PHF20: variants seen among roughly 807,000 people sequenced by gnomAD.
The protein encoded by PHF20 is glioma-expressed antigen 2.
Under a neutral mutation model 113.5 loss-of-function variants are expected in PHF20, and 23 were observed. The observed-to-expected ratio is 0.20, with a 90% CI of 0.15 to 0.29. The LOEUF (loss-of-function observed/expected upper bound fraction) is 0.29, where lower values mean the gene tolerates loss of function less well. Ranked by LOEUF, PHF20 falls within the 10% of genes least tolerant of loss-of-function variation. The probability of loss-of-function intolerance (pLI) is 1.00; values close to 1 mark genes in which losing one functional copy is unlikely to be tolerated. For missense variants in PHF20, 943 were observed against 1,219.6 expected, an observed-to-expected ratio of 0.77 and a Z score of 3.38; for synonymous variants, 434 against 457.3, an observed-to-expected ratio of 0.95 and a Z score of 0.65.
At chr20:35,864,894 C>T (rs2146976558) in intron 6 of PHF20, among the ~76,000 whole-genome samples, 1 of 152,210 alleles carries the variant, frequency 6.6e-6, no homozygotes, top group Non-Finnish European at 1.5e-5. Flanking sequence ...ATGTAACACA[C>T]CTCGATTTTA....
At chr20:35,861,770 G>A (rs1312766163) in intron 5 of PHF20, among the ~76,000 whole-genome samples, 1 of 151,928 alleles carries the variant, frequency 6.6e-6, no homozygotes, top group Non-Finnish European at 1.5e-5. Context: ...TCTCAAACCT[G>A]GCTGCTTTCA....
intron 2 of PHF20, among the ~76,000 whole-genome samples, chr20:35,836,610 C>T (rs1034386598): frequency 6.6e-6 from 1 of 152,002 alleles, no homozygotes; most frequent in Non-Finnish European, 1.5e-5. Context: ...TTTGGGAGGC[C>T]GAGGCGGGCG....
chr20:35,835,048 G>A (rs1208635193), intron 2 of PHF20, among the ~76,000 whole-genome samples: 2 of 152,036 alleles, frequency 1.3e-5, no homozygotes, highest in African/African-American at 4.8e-5. Flanking sequence ...AGGCTGAGGC[G>A]GGCGGATCAC....
At chr20:35,919,048 A>G (rs924722362) in intron 13 of PHF20, among the ~76,000 whole-genome samples, 4 of 151,460 alleles carry the variant, frequency 2.6e-5, no homozygotes, top group South Asian at 2.1e-4. Context: ...GGAGTTTTGC[A>G]CTTGTTTCCC....
intron 2 of PHF20, 26 bp downstream of exon 2, chr20:35,801,631 A>G: frequency 5.3e-6 from 8 of 1,518,160 alleles, no homozygotes; most frequent in Non-Finnish European, 7.3e-6. Flanking sequence ...TCTGTTAATT[A>G]AAGCCCTTCA....
At chr20:35,778,753 C>CAAA (rs199913263) in intron 1 of PHF20, among the ~76,000 whole-genome samples, 3 of 108,830 alleles carry the variant, frequency 2.8e-5, no homozygotes, top group Non-Finnish European at 3.9e-5. Flanking sequence ...AACTGTGTCT[C>CAAA]AAAAAAAAAA....
chr20:35,806,525 T>C (rs561585480), intron 2 of PHF20, among the ~76,000 whole-genome samples: 3 of 152,232 alleles, frequency 2.0e-5, no homozygotes, highest in South Asian at 4.1e-4. Flanking sequence ...TATCTAATTA[T>C]TATTTTTTAA....
At chr20:35,795,036 A>G (rs2041638185) in intron 1 of PHF20, among the ~76,000 whole-genome samples, 3 of 152,028 alleles carry the variant, frequency 2.0e-5, no homozygotes, top group Admixed American at 2.0e-4. Context: ...TACTAAAAAT[A>G]CAAAAATTAG....
chr20:35,780,551 CT>C (rs71184082), intron 1 of PHF20, among the ~76,000 whole-genome samples: 96,649 of 115,360 alleles, frequency 0.84, 40,068 homozygotes, highest in East Asian at 0.89. Flanking sequence ...TTTTTCTTTT[CT>C]TTTTTTTTTT....
At position 35,880,946 on chromosome 20, in the gene PHF20, C is replaced by A. The variant is rs183494628; in HGVS notation, c.1282+9117C>A. 8.6e-5 allele frequency among the ~76,000 whole-genome samples: 13 copies of A among 150,418 alleles called. No homozygotes were observed. The East Asian group carries it at 2.5e-3, about 29-fold the overall frequency. On this transcript the variant is annotated intron_variant, in intron 9 of 17. Coordinates refer to ENST00000374012, the MANE Select transcript of PHF20 (RefSeq NM_016436.5). ...CTGTACTCCAGCCTAAATGACAGAG[C>A]GAGACTCTGTCTCAAAGAAAACAAA...
At chr20:35,785,578 C>A (rs901427364) in intron 1 of PHF20, among the ~76,000 whole-genome samples, 8 of 151,802 alleles carry the variant, frequency 5.3e-5, no homozygotes, top group African/African-American at 1.9e-4. Flanking sequence ...CCTCAGCCTC[C>A]CAATGTGCTG....
At chr20:35,858,834 A>G (rs1165572283) in intron 5 of PHF20, among the ~76,000 whole-genome samples, 3 of 152,152 alleles carry the variant, frequency 2.0e-5, no homozygotes, top group Non-Finnish European at 2.9e-5. Context: ...TGGCCTCCCA[A>G]GGTGCTGGGA....
At chr20:35,806,863 T>A (rs749405221) in intron 2 of PHF20, among the ~76,000 whole-genome samples, 1 of 151,110 alleles carries the variant, frequency 6.6e-6, no homozygotes, top group Non-Finnish European at 1.5e-5. Flanking sequence ...TGGCACGATC[T>A]TGGCTCATTG....
At chr20:35,825,049 G>C (rs2042237906) in intron 2 of PHF20, among the ~76,000 whole-genome samples, 3 of 152,170 alleles carry the variant, frequency 2.0e-5, no homozygotes, top group Admixed American at 1.3e-4. Flanking sequence ...GTGGACATAT[G>C]ATTTTACATC....
chr20:35,831,836 G>A (rs545412218), intron 2 of PHF20, among the ~76,000 whole-genome samples: 1 of 152,100 alleles, frequency 6.6e-6, no homozygotes, highest in Non-Finnish European at 1.5e-5. Flanking sequence ...ACCCATTTGT[G>A]GTACCTCAGC....
intron 1 of PHF20, among the ~76,000 whole-genome samples, chr20:35,794,216 C>G (rs1441339434): frequency 6.7e-6 from 1 of 150,244 alleles, no homozygotes; most frequent in Non-Finnish European, 1.5e-5. Flanking sequence ...AGGAGAATCT[C>G]TTGAACCTGG....
intron 9 of PHF20, among the ~76,000 whole-genome samples, chr20:35,891,899 G>A (rs879321064): frequency 6.6e-6 from 1 of 151,712 alleles, no homozygotes; most frequent in Non-Finnish European, 1.5e-5. Flanking sequence ...GACAGAGTTT[G>A]TCACTGTGTT....
rs375815445 is a variant in PHF20, at chr20:35,876,428, G to A, written c.1282+4599G>A. On this transcript the variant is annotated intron_variant, in intron 9 of 17. Transcript: ENST00000374012. ...TCTACCAAAAATACAAAAATTAGCCGGGTATGGTGGCAGGCGCCTGTAATC... is the reference window on the plus strand; with the variant it reads ...TCTACCAAAAATACAAAAATTAGCCAGGTATGGTGGCAGGCGCCTGTAATC... 2.9e-4 allele frequency among the ~76,000 whole-genome samples: 43 copies of A among 150,242 alleles called. 1 individual carries two copies. The highest frequency in any genetic ancestry group is 1.0e-3 in the African/African-American group (41 of 40,860).
chr20:35,808,370 G>A (rs932591073), intron 2 of PHF20, among the ~76,000 whole-genome samples: 3 of 151,930 alleles, frequency 2.0e-5, no homozygotes, highest in African/African-American at 7.3e-5. Flanking sequence ...TAACAGGAAC[G>A]CATCCGAGAG....
Sources: gnomAD v4.1 joint callset for allele counts (sites outside exome capture counted in the v4.1 genomes callset) on GRCh38, gnomAD v4.1.1 for gene constraint, MANE v1.5 for transcripts, NCBI Gene and HGNC (gene_info 2026-07-23, HGNC 2026-07-21) for gene names.